PTRH1: variants seen among roughly 807,000 people sequenced by gnomAD.
The protein encoded by PTRH1 is peptidyl-tRNA hydrolase.
A neutral mutation model predicts 15.7 loss-of-function variants in PTRH1; 13 were observed. The observed-to-expected ratio is 0.83, with a 90% confidence interval of 0.54 to 1.31. The LOEUF (loss-of-function observed/expected upper bound fraction) is 1.31. Ranked by LOEUF, PTRH1 falls within the 40% of genes most tolerant of loss-of-function variation. PTRH1 has a pLI of 0.00. For missense variants in PTRH1, 319 were observed against 296.2 expected, an observed-to-expected ratio of 1.08 and a Z score of -0.56; for synonymous variants, 139 against 136.7, an observed-to-expected ratio of 1.02 and a Z score of -0.12.
At chr9:127,695,092 A>ATGATGG (rs1554780138) in exon 2 of PTRH1, 9 of 700,520 alleles carry the variant, frequency 1.3e-5, no homozygotes, top group South Asian at 1.2e-4. Context: ...GATGATGATG[A>ATGATGG]TGGTGATGAT....
downstream of PTRH1, chr9:127,710,757 G>A (rs749054423): frequency 1.3e-6 from 2 of 1,560,028 alleles, no homozygotes; most frequent in East Asian, 2.4e-5. Flanking sequence ...AAGGACAGGT[G>A]GGCAAGCGGG....
chr9:127,704,721 A>G lies in PTRH1; in HGVS notation c.206-9580T>C, dbSNP rs74392877. On this transcript the variant is annotated intron_variant, in intron 1 of 2. Coordinates refer to the PTRH1 transcript ENST00000335223. Reference sequence around the variant, plus strand: ...CCAGAGACCAGAACTCCCCCTCCCCATCACTGACCTTGTTGGAGATTAACT... The same window carrying G: ...CCAGAGACCAGAACTCCCCCTCCCCGTCACTGACCTTGTTGGAGATTAACT... Among the ~76,000 whole-genome samples the G allele has an allele frequency of 2.7e-3, 412 of 152,128 alleles. 11 individuals are homozygous for G. The East Asian group carries it at 0.061, about 22-fold the overall frequency.
Position 127,713,983 on chromosome 9 carries a change from G to C in PTRH1, c.*117C>G, listed in dbSNP as rs1438017717. ...CCCCACTTTAATCCGCAGGCAGCCT[G>C]GAACAGTCTAGAGGAGATTTGTATA... On this transcript the variant is annotated 3_prime_UTR_variant, in exon 5 of 5. Transcript: ENST00000543175. 1 of 1,578,266 alleles carries C rather than the reference G, an allele frequency of 6.3e-7. No individual in the cohort carries two copies. Among genetic ancestry groups the C allele is most frequent in the Non-Finnish European group, 8.7e-7 (1 of 1,148,002 alleles).
rs765405772 is a variant in PTRH1, at chr9:127,715,491, C to G, written c.96+53G>C. On this transcript the variant is annotated intron_variant, in intron 1 of 4. Transcript: ENST00000543175. This position sits in a 1 kb window ranked among gnomAD's most constrained non-coding sequence, Gnocchi z 5.8. ...CACTCGGCTCCCGGGACATAATGGC[C>G]GAACTGAAGCTAGGGACCGGGAGCC... The G allele has an allele frequency of 5.0e-6, 8 of 1,611,322 alleles. No homozygotes were observed. The African/African-American group carries it at 1.1e-4, about 22-fold the overall frequency.
chr9:127,705,899 G>A lies in PTRH1; in HGVS notation c.205+9536C>T, dbSNP rs1284714439. Among the ~76,000 whole-genome samples the A allele has an allele frequency of 2.0e-5, 3 of 152,220 alleles. No homozygotes were observed. Among genetic ancestry groups the A allele is most frequent in the Non-Finnish European group, 4.4e-5 (3 of 68,026 alleles). On this transcript the variant is annotated intron_variant, in intron 1 of 2. Transcript: ENST00000335223. The surrounding 1 kb of genome is among the most constrained non-coding windows in gnomAD (Gnocchi z 4.7). Reference sequence around the variant, plus strand: ...TGCCAGTCACATTTGTGCCCTCCCAGGGCTGCCCTGCCTGCAGGGAACAGG... The same window carrying A: ...TGCCAGTCACATTTGTGCCCTCCCAAGGCTGCCCTGCCTGCAGGGAACAGG...
chr9:127,710,808 C>A, downstream of PTRH1: 1 of 1,539,254 alleles, frequency 6.5e-7, no homozygotes, highest in East Asian at 2.5e-5. Context: ...CCTGGGGCTA[C>A]GAACATCCTA....
chr9:127,704,958 G>A (rs141789048), intron 1 of PTRH1, among the ~76,000 whole-genome samples: 10 of 152,026 alleles, frequency 6.6e-5, no homozygotes, highest in African/African-American at 2.4e-4. Context: ...ATATTGCCCA[G>A]GCTGGTCTTT....
chr9:127,712,253 G>T (rs199535659), downstream of PTRH1: 32 of 1,613,958 alleles, frequency 2.0e-5, no homozygotes, highest in Admixed American at 2.0e-4. Context: ...TGGATTTGCA[G>T]CGGCTACAGC....
Position 127,713,934 on chromosome 9 carries a change from A to G in PTRH1, c.*166T>C, listed in dbSNP as rs776811044. On this transcript the variant is annotated 3_prime_UTR_variant, in exon 5 of 5. Transcript: ENST00000543175. ...ACAGAGAGAAGAACCTACTCCAGAA[A>G]TGGACTGGTCCAGTCACAGTCACCC... 1.9e-6 allele frequency: 3 copies of G among 1,604,228 alleles called. No homozygotes were observed. The highest frequency in any genetic ancestry group is 1.1e-5 in the South Asian group (1 of 90,878).
At position 127,714,957 on chromosome 9, in the gene PTRH1, C is replaced by T; in HGVS notation, c.316+18G>A. On this transcript the variant is annotated intron_variant, in intron 2 of 4. Transcript: ENST00000543175. ...ACCCCCTTGGCCCGCCCGCCCACCC[C>T]TGGCGCTCTCAACTCACCAGCCCGG... The T allele has an allele frequency of 7.4e-7, 1 of 1,353,158 alleles. No individual in the cohort carries two copies. Among genetic ancestry groups the T allele is most frequent in the Non-Finnish European group, 9.8e-7 (1 of 1,023,718 alleles). The allele number at this position is 1,353,158 out of a possible 1,614,324, so 83.8% of individuals were successfully genotyped here.
At position 127,714,212 on chromosome 9, in the gene PTRH1, C is replaced by T. The variant is rs766802204; in HGVS notation, c.533G>A (p.Gly178Asp). 1.2e-5 allele frequency: 19 copies of T among 1,613,804 alleles called. No individual in the cohort carries two copies. The East Asian group carries it at 3.8e-4, about 32-fold the overall frequency. The change falls in exon 5 of 5, where the codon GGC becomes GAC. Residue 178 changes from glycine (G) to aspartate (D), a missense_variant. By Grantham distance (94) the Gly-to-Asp change is moderately conservative (BLOSUM62 -1). Transcript: ENST00000543175. ...CTCCTGCTCAGCAGGGGAGAAGCAG[C>T]CCAGCACATGGGCCTGAACCGCCTC... Reference protein sequence around the residue: ...HPEAVQAHVLGCFSPAEQELL... With the variant: ...HPEAVQAHVLDCFSPAEQELL...
chr9:127,699,177 C>T (rs1170851696), intron 1 of PTRH1, among the ~76,000 whole-genome samples: 1 of 152,202 alleles, frequency 6.6e-6, no homozygotes, highest in African/African-American at 2.4e-5. Context: ...CCACCGCGCC[C>T]GGCCGACCAA....
intron 1 of PTRH1, among the ~76,000 whole-genome samples, chr9:127,700,824 C>T (rs1179357094): frequency 6.6e-6 from 1 of 152,202 alleles, no homozygotes; most frequent in Non-Finnish European, 1.5e-5. Context: ...CCACCTGTTC[C>T]ACCAGCCATA....
In PTRH1 at chr9:127,714,266, C is replaced by G; in HGVS notation, c.479G>C (p.Arg160Pro). 1 of 1,613,936 alleles carries G rather than the reference C, an allele frequency of 6.2e-7. No individual in the cohort carries two copies. The highest frequency in any genetic ancestry group is 8.5e-7 in the Non-Finnish European group (1 of 1,179,932). Reference protein sequence around the residue: ...CLNSNAMPRLRVGIGRPAHPE... With the variant: ...CLNSNAMPRLPVGIGRPAHPE... ...GTGCGCCGGGCGCCCGATACCCACC[C>G]GCAGCCTTGGCATTGCCTGTGGGAG... is the stretch of plus-strand genomic sequence containing the variant. The change falls in exon 5 of 5, where the codon CGG (arginine) becomes CCG (proline). Residue 160 changes from arginine to proline, a missense_variant. Arg to Pro is a moderately radical substitution (Grantham distance 103). Transcript: ENST00000543175.
intron 1 of PTRH1, among the ~76,000 whole-genome samples, chr9:127,708,507 A>T (rs1336643000): frequency 6.6e-6 from 1 of 152,150 alleles, no homozygotes; most frequent in Non-Finnish European, 1.5e-5. Flanking sequence ...AATTTAATTA[A>T]AAAAAACTTT....
Position 127,714,270 on chromosome 9 carries a change from G to A in PTRH1, c.475C>T (p.Leu159=), listed in dbSNP as rs1842849637. ...GCCGGGCGCCCGATACCCACCCGCAGCCTTGGCATTGCCTGTGGGAGAGCC... is the reference window on the plus strand; with the variant it reads ...GCCGGGCGCCCGATACCCACCCGCAACCTTGGCATTGCCTGTGGGAGAGCC... ...SCLNSNAMPR[L]RVGIGRPAHP... The change falls in exon 5 of 5, where the codon CTG becomes TTG. Residue 159 remains leucine, a synonymous_variant. Coordinates refer to ENST00000543175, the MANE Select transcript of PTRH1 (RefSeq NM_001002913.3). The A allele has an allele frequency of 5.0e-6, 8 of 1,613,830 alleles. 1 individual carries two copies. In the East Asian group the frequency reaches 6.7e-5, roughly 13 times the overall value.
chr9:127,706,945 C>A (rs981201470), intron 1 of PTRH1: 39 of 1,512,150 alleles, frequency 2.6e-5, no homozygotes, highest in Non-Finnish European at 3.3e-5. Flanking sequence ...AGCCTCACTC[C>A]CTCGGCCTGT....
chr9:127,694,894 T>G, intron 2 of PTRH1: 1 of 674,710 alleles, frequency 1.5e-6, no homozygotes, highest in South Asian at 1.6e-5. Flanking sequence ...AAGGCCAGAG[T>G]GGTTAGGAGC....
chr9:127,695,741 T>C (rs1842554963), intron 1 of PTRH1: 1 of 152,248 alleles, frequency 6.6e-6, no homozygotes, highest in East Asian at 1.9e-4. Flanking sequence ...AACAGTTTCT[T>C]TTAAGTTTTC....
Sources: allele counts gnomAD v4.1 joint callset (sites outside exome capture counted in the v4.1 genomes callset), GRCh38; gene constraint gnomAD v4.1.1; non-coding constraint Gnocchi (gnomAD v3.1); transcripts MANE v1.5; gene names NCBI Gene and HGNC (gene_info 2026-07-23, HGNC 2026-07-21).